The following DDX31 variants were observed in gnomAD, a reference collection of about 807,000 sequenced individuals.
DDX31 encodes ATP-dependent DNA helicase DDX31.
DDX31 carries 70 observed loss-of-function variants against 91.3 expected under a neutral mutation model. The ratio of observed to expected loss-of-function variants is 0.77; its 90% confidence interval spans 0.63 to 0.94. The LOEUF (loss-of-function observed/expected upper bound fraction) is 0.94. Among genes scored for constraint, DDX31 ranks in the 40% least tolerant of loss-of-function variants. The probability of loss-of-function intolerance (pLI) is 0.00; values close to 1 mark genes in which losing one functional copy is unlikely to be tolerated. For synonymous variants in DDX31, 362 were observed against 350.6 expected (o/e 1.03, Z -0.36); for missense variants, 902 against 925.0 (o/e 0.98, Z 0.32).
intron 19 of DDX31, among the ~76,000 whole-genome samples, chr9:132,605,407 G>C (rs1299096519): frequency 6.6e-6 from 1 of 152,188 alleles, no homozygotes; most frequent in Non-Finnish European, 1.5e-5. Flanking sequence ...CAGCACTGCA[G>C]AGTTCAGGGT....
At position 132,593,545 on chromosome 9, in the gene DDX31, A is replaced by T. The variant is rs1830299221; in HGVS notation, c.*1321T>A. On this transcript the variant is annotated 3_prime_UTR_variant, in exon 20 of 20. Transcript: ENST00000372159. ...CCTGTTAATTTGTATGTGACAGCCA[A>T]CTCTGAGAAGGTCCTATTTTTCCAC... 1 of 152,072 alleles carries T rather than the reference A, an allele frequency of 6.6e-6. No homozygotes were observed. The highest frequency in any genetic ancestry group is 6.5e-5 in the Admixed American group (1 of 15,276). 9.4% of individuals were successfully genotyped at this position (152,072 alleles called of 1,614,324 possible).
At position 132,625,715 on chromosome 9, in the gene DDX31, C is replaced by T; in HGVS notation, c.1662G>A (p.Leu554=). The change falls in exon 17 of 20, where the codon TTG becomes TTA. Residue 554 remains leucine (L), a synonymous_variant. Coordinates refer to ENST00000372159, the MANE Select transcript of DDX31 (RefSeq NM_022779.9). ...NVSEIKMEDI[L]CVLTRDDCFK... Reference sequence around the variant, plus strand: ...AACAATCATCTCTTGTCAGAACACACAAAATATCTTCCATCTTAATCTCAG... The same window carrying T: ...AACAATCATCTCTTGTCAGAACACATAAAATATCTTCCATCTTAATCTCAG... 4.3e-6 allele frequency: 7 copies of T among 1,613,868 alleles called. No individual in the cohort carries two copies. Among genetic ancestry groups the T allele is most frequent in the Non-Finnish European group, 5.9e-6 (7 of 1,179,950 alleles).
intron 1 of DDX31, among the ~76,000 whole-genome samples, chr9:132,664,887 G>A (rs1835213556): frequency 1.3e-5 from 2 of 151,920 alleles, no homozygotes; most frequent in African/African-American, 4.8e-5. Flanking sequence ...CCCACATCCA[G>A]GACTCCACTC....
chr9:132,646,141 C>T, intron 12 of DDX31, 70 bp from the exon 13 acceptor site: 1 of 1,494,108 alleles, frequency 6.7e-7, no homozygotes, highest in Non-Finnish European at 9.1e-7. Context: ...GAATATTTCT[C>T]TAAACTATAC....
chr9:132,654,679 C>T (rs12347969), intron 6 of DDX31, among the ~76,000 whole-genome samples: 10,707 of 151,960 alleles, frequency 0.07, 485 homozygotes, highest in East Asian at 0.12. Context: ...GATGTGGTGG[C>T]TCATGCCTGT....
In DDX31 at chr9:132,595,092, G is replaced by A. The variant is rs749237819; in HGVS notation, c.2015C>T (p.Thr672Ile). Reference sequence around the variant, plus strand: ...TTCAGCGAGGCTGTGTTTACTCTGGGTCTTCTTATGAAGGTCAGGCCTGAA... The same window carrying A: ...TTCAGCGAGGCTGTGTTTACTCTGGATCTTCTTATGAAGGTCAGGCCTGAA... ...HVKRPDLHKK[T>I]QSKHSLAEIL... Residue 672 changes from threonine to isoleucine, a missense_variant, in exon 20 of 20, where the codon ACC (threonine) becomes ATC (isoleucine). Coordinates refer to ENST00000372159, the MANE Select transcript of DDX31 (RefSeq NM_022779.9). The surrounding 1 kb of genome is among the most constrained non-coding windows in gnomAD (Gnocchi z 4.6). The A allele has an allele frequency of 2.5e-6, 4 of 1,614,150 alleles. No homozygotes were observed. The Admixed American group carries it at 6.7e-5, about 27-fold the overall frequency.
In DDX31 at chr9:132,593,729, C is replaced by T. The variant is rs1421314866; in HGVS notation, c.*1137G>A. 1 of 150,074 alleles carries T rather than the reference C, an allele frequency of 6.7e-6. No homozygotes were observed. Among genetic ancestry groups the T allele is most frequent in the East Asian group, 2.0e-4 (1 of 5,010 alleles). The allele number at this position is 150,074 out of a possible 1,614,324, so 9.3% of individuals were successfully genotyped here. A position where few individuals can be genotyped will look rare whatever the true frequency, so the allele number is the denominator to read the frequency against. On this transcript the variant is annotated 3_prime_UTR_variant, in exon 20 of 20. Coordinates refer to ENST00000372159, the MANE Select transcript of DDX31 (RefSeq NM_022779.9). ...AGGCCCACCTTGCCAACTCTCACCACCCTCTCGTGGCCACTCAGACCTTCC... is the reference window on the plus strand; with the variant it reads ...AGGCCCACCTTGCCAACTCTCACCATCCTCTCGTGGCCACTCAGACCTTCC...
chr9:132,599,152 T>A (rs1419946699), intron 19 of DDX31, among the ~76,000 whole-genome samples: 2 of 152,194 alleles, frequency 1.3e-5, no homozygotes, highest in African/African-American at 4.8e-5. Context: ...ACCGACTACA[T>A]GACATAGGCA....
chr9:132,633,779 C>T (rs1832934715), intron 14 of DDX31, among the ~76,000 whole-genome samples: 1 of 151,952 alleles, frequency 6.6e-6, no homozygotes, highest in African/African-American at 2.4e-5. Context: ...TTGACTCAGA[C>T]CGAAGTGTAT....
At chr9:132,625,071 T>G (rs1314446414) in intron 17 of DDX31, among the ~76,000 whole-genome samples, 1 of 151,746 alleles carries the variant, frequency 6.6e-6, no homozygotes. Context: ...GGTGAGGGAA[T>G]AATGGTCTAG....
intron 17 of DDX31, among the ~76,000 whole-genome samples, chr9:132,622,696 T>C (rs1246559890): frequency 6.6e-6 from 1 of 152,246 alleles, no homozygotes; most frequent in Non-Finnish European, 1.5e-5. Context: ...TCTAGAGAGC[T>C]GGCAGATGCT....
intron 19 of DDX31, among the ~76,000 whole-genome samples, chr9:132,599,865 G>A (rs1028394874): frequency 3.3e-5 from 5 of 152,250 alleles, no homozygotes; most frequent in Non-Finnish European, 7.3e-5. Flanking sequence ...TCCCCCACAT[G>A]GGAAGAAAAG....
intron 17 of DDX31, among the ~76,000 whole-genome samples, chr9:132,624,591 G>T (rs766547113): frequency 1.3e-5 from 2 of 152,178 alleles, no homozygotes; most frequent in Non-Finnish European, 2.9e-5. Flanking sequence ...GCATATTAGT[G>T]TGCCCCTGTG....
chr9:132,620,496 T>C (rs1831958424), intron 17 of DDX31, among the ~76,000 whole-genome samples: 1 of 148,700 alleles, frequency 6.7e-6, no homozygotes, highest in South Asian at 2.1e-4. Flanking sequence ...AAAAACAGGA[T>C]AGAACTAGGT....
In DDX31 at chr9:132,669,953, G is replaced by T; in HGVS notation, c.-19C>A. On this transcript the variant is annotated 5_prime_UTR_variant, in exon 1 of 20. Coordinates refer to ENST00000372159, the MANE Select transcript of DDX31 (RefSeq NM_022779.9). Reference sequence around the variant, plus strand: ...CTGCCATGGTCTGCGTGGGTGACGCGTGGTGCAGCAGCGAGCCCGGTGCGC... The same window carrying T: ...CTGCCATGGTCTGCGTGGGTGACGCTTGGTGCAGCAGCGAGCCCGGTGCGC... 6.3e-7 allele frequency: 1 copy of T among 1,585,448 alleles called. No homozygotes were observed.
At position 132,593,419 on chromosome 9, in the gene DDX31, C is replaced by T. The variant is rs1385543132; in HGVS notation, c.*1447G>A. 1 of 152,132 alleles carries T rather than the reference C, an allele frequency of 6.6e-6. No homozygotes were observed. Among genetic ancestry groups the T allele is most frequent in the African/African-American group, 2.4e-5 (1 of 41,426 alleles). The allele number at this position is 152,132 out of a possible 1,614,324, so 9.4% of individuals were successfully genotyped here. A position where few individuals can be genotyped will look rare whatever the true frequency, so the allele number is the denominator to read the frequency against. On this transcript the variant is annotated 3_prime_UTR_variant, in exon 20 of 20. Transcript: ENST00000372159. The stretch of plus-strand genomic sequence containing the variant: ...CCAAATCATGTGAACCATTACACAT[C>T]GAAATAAAAGAAAGGTGGCAGACTT...
chr9:132,619,743 C>T (rs1831890425), intron 17 of DDX31, among the ~76,000 whole-genome samples: 1 of 152,042 alleles, frequency 6.6e-6, no homozygotes, highest in Non-Finnish European at 1.5e-5. Context: ...AGCCGTGTTA[C>T]CAAAGTGGAC....
In DDX31 at chr9:132,646,145, A is replaced by G. The variant is rs1037306470; in HGVS notation, c.1204-74T>C. 3 of 1,474,162 alleles carry G rather than the reference A, an allele frequency of 2.0e-6. No individual in the cohort carries two copies. In the African/African-American group the frequency reaches 4.2e-5, roughly 21 times the overall value. 91.3% of individuals were successfully genotyped at this position (1,474,162 alleles called of 1,614,324 possible). Reference sequence around the variant, plus strand: ...GACGCCAAAACGAATATTTCTCTAAACTATACAGTCATGCTGACCCCCATT... The same window carrying G: ...GACGCCAAAACGAATATTTCTCTAAGCTATACAGTCATGCTGACCCCCATT... On this transcript the variant is annotated intron_variant, in intron 12 of 19. Coordinates refer to ENST00000372159, the MANE Select transcript of DDX31 (RefSeq NM_022779.9).
intron 17 of DDX31, among the ~76,000 whole-genome samples, chr9:132,620,403 C>A (rs1831948637): frequency 6.8e-6 from 1 of 146,446 alleles, no homozygotes; most frequent in Admixed American, 6.8e-5. Flanking sequence ...CAAAATGAGG[C>A]ATCTTTTCTT....
Sources: allele counts gnomAD v4.1 joint callset (sites outside exome capture counted in the v4.1 genomes callset), GRCh38; gene constraint gnomAD v4.1.1; non-coding constraint Gnocchi (gnomAD v3.1); transcripts MANE v1.5; gene names NCBI Gene and HGNC (gene_info 2026-07-23, HGNC 2026-07-21).